PRDM6: variants seen among roughly 807,000 people sequenced by gnomAD.
The protein encoded by PRDM6 is putative histone-lysine N-methyltransferase PRDM6.
In PRDM6, 25 loss-of-function variants were observed where a neutral mutation model predicts 60.8. The observed-to-expected ratio is 0.41, with a 90% confidence interval of 0.30 to 0.57. PRDM6 has a LOEUF of 0.57. Among genes scored for constraint, PRDM6 ranks in the 20% least tolerant of loss-of-function variants. PRDM6 has a pLI of 0.27. For synonymous variants in PRDM6, 407 were observed against 357.4 expected (o/e 1.14, Z -1.57); for missense variants, 839 against 821.3 (o/e 1.02, Z -0.26).
chr5:123,147,867 G>A (rs907349663), intron 3 of PRDM6, among the ~76,000 whole-genome samples: 5 of 152,200 alleles, frequency 3.3e-5, no homozygotes, highest in African/African-American at 4.8e-5. Context: ...TCATATCGAC[G>A]GCTGCCGCCG....
intron 2 of PRDM6, among the ~76,000 whole-genome samples, chr5:123,095,060 G>C (rs1298268494): frequency 6.6e-6 from 1 of 152,214 alleles, no homozygotes; most frequent in East Asian, 1.9e-4. Flanking sequence ...CCAGGAGCTG[G>C]GCCGCCCCGC....
chr5:123,153,747 T>G (rs1360152070), intron 3 of PRDM6, among the ~76,000 whole-genome samples: 1 of 152,158 alleles, frequency 6.6e-6, no homozygotes. Flanking sequence ...CTTTTCATAC[T>G]AATTTTCAAG....
At chr5:123,118,174 A>G (rs1237650681) in intron 3 of PRDM6, among the ~76,000 whole-genome samples, 1 of 152,222 alleles carries the variant, frequency 6.6e-6, no homozygotes, top group African/African-American at 2.4e-5. Flanking sequence ...GTTTGCAATC[A>G]GGTTTTTCAG....
intron 5 of PRDM6, among the ~76,000 whole-genome samples, chr5:123,161,594 A>G (rs1289125440): frequency 2.0e-5 from 3 of 152,216 alleles, no homozygotes; most frequent in East Asian, 3.9e-4. Flanking sequence ...GCAGCCAGAC[A>G]GTTATAAGTC....
At chr5:123,098,709 C>T (rs372071963) in intron 2 of PRDM6, among the ~76,000 whole-genome samples, 7 of 152,350 alleles carry the variant, frequency 4.6e-5, no homozygotes, top group African/African-American at 1.7e-4. Flanking sequence ...GAACAGCCGT[C>T]GGGGCAGGAG....
chr5:123,156,037 T>C lies in PRDM6; in HGVS notation c.1028+26T>C, dbSNP rs547558377. The C allele has an allele frequency of 3.8e-5, 58 of 1,542,050 alleles. No individual in the cohort carries two copies. In the East Asian group the frequency reaches 1.3e-3, roughly 35 times the overall value. On this transcript the variant is annotated intron_variant, in intron 4 of 7. Transcript: ENST00000407847. The stretch of plus-strand genomic sequence containing the variant: ...GTAAAGTATATCTTGATTTACCACC[T>C]ACAGAGCTGAAGCCATTTGGCTTGC...
chr5:123,135,194 G>A (rs764304627), intron 3 of PRDM6, among the ~76,000 whole-genome samples: 2 of 152,150 alleles, frequency 1.3e-5, no homozygotes, highest in Non-Finnish European at 2.9e-5. Context: ...ACAATTAAGT[G>A]CTACACAAGT....
chr5:123,100,754 GAA>G (rs1207066023), intron 3 of PRDM6, among the ~76,000 whole-genome samples: 1 of 152,188 alleles, frequency 6.6e-6, no homozygotes, highest in African/African-American at 2.4e-5. Flanking sequence ...TAACCTATTT[GAA>G]AAATGTCAGC....
chr5:123,142,545 C>A (rs988647382), intron 3 of PRDM6, among the ~76,000 whole-genome samples: 1 of 152,062 alleles, frequency 6.6e-6, no homozygotes, highest in African/African-American at 2.4e-5. Flanking sequence ...TATATGTTTT[C>A]TTTTTAAAAA....
rs1437397043 is a variant in PRDM6 at position 123,147,277 on chromosome 5, AAAAGAGAG to A, written c.901-8605_901-8598del. On this transcript the variant is annotated intron_variant, in intron 3 of 7. Coordinates refer to ENST00000407847, the MANE Select transcript of PRDM6 (RefSeq NM_001136239.4). ...GTGAAATACATTAACACTGATACTA[AAAAGAGAG>A]AGAGAGAGAGAGAGAGAGAGAGAAA... Among the ~76,000 whole-genome samples the A allele has an allele frequency of 1.3e-4, 11 of 87,948 alleles. No homozygotes were observed. In the East Asian group the frequency reaches 1.7e-3, roughly 14 times the overall value. The allele number at this position is 87,948 out of a possible 152,430, so 57.7% of individuals were successfully genotyped here. A position where few individuals can be genotyped will look rare whatever the true frequency, so the allele number is the denominator to read the frequency against.
intron 5 of PRDM6, among the ~76,000 whole-genome samples, chr5:123,169,318 A>G (rs980279882): frequency 2.9e-4 from 44 of 152,336 alleles, no homozygotes; most frequent in African/African-American, 8.9e-4. Context: ...CTAATGTCTT[A>G]ATAAAAAGAA....
intron 3 of PRDM6, among the ~76,000 whole-genome samples, chr5:123,103,526 T>C (rs1397551057): frequency 6.6e-6 from 1 of 152,070 alleles, no homozygotes; most frequent in Non-Finnish European, 1.5e-5. Context: ...TTAGGTCTTA[T>C]TGATGAGAAT....
intron 3 of PRDM6, among the ~76,000 whole-genome samples, chr5:123,127,700 TTCTTTCTTTC>T (rs71839836): frequency 0.021 from 3,183 of 151,608 alleles, 103 homozygotes; most frequent in African/African-American, 0.071. Flanking sequence ...TTCTTTCTCT[TTCTTTCTTTC>T]TCTTTCTTTC....
chr5:123,099,748 G>C lies in PRDM6; in HGVS notation c.687G>C (p.Ala229=), dbSNP rs1459095824. 1.9e-6 allele frequency: 3 copies of C among 1,545,372 alleles called. No homozygotes were observed. The South Asian group carries it at 3.6e-5, about 19-fold the overall frequency. The change falls in exon 3 of 8, where the codon GCG becomes GCC. Residue 229 remains alanine (A), a synonymous_variant. Coordinates refer to ENST00000407847, the MANE Select transcript of PRDM6 (RefSeq NM_001136239.4). This position sits in a 1 kb window ranked among gnomAD's most constrained non-coding sequence, Gnocchi z 4.0. The stretch of plus-strand genomic sequence containing the variant: ...GGCTTGTGGGCACCAGCAGCGCTGC[G>C]GCCGCCGCGCCCCCGCCGGAGCTGC... ...LRRLVGTSSA[A]AAAPPPELPE...
intron 3 of PRDM6, among the ~76,000 whole-genome samples, chr5:123,113,658 C>T (rs1333560990): frequency 6.6e-6 from 1 of 152,204 alleles, no homozygotes; most frequent in Non-Finnish European, 1.5e-5. Flanking sequence ...TGCCCCTTCT[C>T]ACTATCTGGC....
intron 6 of PRDM6, among the ~76,000 whole-genome samples, chr5:123,172,737 A>T (rs558520833): frequency 2.6e-5 from 4 of 152,346 alleles, no homozygotes; most frequent in African/African-American, 9.6e-5. Flanking sequence ...CAGGTAAAAT[A>T]AAATAATAGT....
At chr5:123,161,357 G>T (rs1033707048) in intron 5 of PRDM6, among the ~76,000 whole-genome samples, 1 of 152,226 alleles carries the variant, frequency 6.6e-6, no homozygotes, top group African/African-American at 2.4e-5. Context: ...CATTTTAATG[G>T]GGGGAGACAG....
At chr5:123,113,045 T>C (rs1764352269) in intron 3 of PRDM6, among the ~76,000 whole-genome samples, 1 of 152,180 alleles carries the variant, frequency 6.6e-6, no homozygotes, top group African/African-American at 2.4e-5. Flanking sequence ...TGTACACTTT[T>C]GAATTAACAT....
chr5:123,187,071 C>A lies in PRDM6; in HGVS notation c.1674-16C>A. 6.5e-7 allele frequency: 1 copy of A among 1,547,418 alleles called. No homozygotes were observed. Among genetic ancestry groups the A allele is most frequent in the Non-Finnish European group, 8.7e-7 (1 of 1,143,390 alleles). Reference sequence around the variant, plus strand: ...CCCCGCTCCCTGGTCTCAATTTTCTCTCTTGCCTCCACCAGGTGCGAGAGG... The same window carrying A: ...CCCCGCTCCCTGGTCTCAATTTTCTATCTTGCCTCCACCAGGTGCGAGAGG... On this transcript the variant is annotated splice_polypyrimidine_tract_variant and intron_variant, in intron 7 of 7. Transcript: ENST00000407847.
Sources: gnomAD v4.1 joint callset for allele counts (sites outside exome capture counted in the v4.1 genomes callset) on GRCh38, gnomAD v4.1.1 for gene constraint, Gnocchi (gnomAD v3.1) non-coding constraint, MANE v1.5 for transcripts, NCBI Gene and HGNC (gene_info 2026-07-23, HGNC 2026-07-21) for gene names.